The following ACOXL variants were observed in gnomAD, a reference collection of about 807,000 sequenced individuals.
ACOXL encodes acyl-CoA oxidase like, also known as acyl-coenzyme A oxidase-like protein.
Under a neutral mutation model 71.9 loss-of-function variants are expected in ACOXL, and 70 were observed. The ratio of observed to expected loss-of-function variants is 0.97; its 90% CI spans 0.80 to 1.19. The LOEUF (loss-of-function observed/expected upper bound fraction) is 1.19. ACOXL is among the 50% of genes most tolerant of loss of function. ACOXL has a pLI of 0.00. For missense variants in ACOXL, 703 were observed against 736.3 expected (o/e 0.95, Z 0.52); for synonymous variants, 253 against 281.6 (o/e 0.90, Z 1.02).
At chr2:111,042,504 G>T (rs1322911914) in intron 15 of ACOXL, among the ~76,000 whole-genome samples, 1 of 152,240 alleles carries the variant, frequency 6.6e-6, no homozygotes, top group African/African-American at 2.4e-5. Context: ...TGGCTCTGCA[G>T]GATGGGAAGA....
intron 9 of ACOXL, among the ~76,000 whole-genome samples, chr2:110,823,035 C>G (rs1342007130): frequency 1.3e-5 from 2 of 152,050 alleles, no homozygotes; most frequent in Non-Finnish European, 2.9e-5. Context: ...GGTGGATCAC[C>G]TGAGGTCAGT....
Position 111,117,824 on chromosome 2 carries a change from G to C in ACOXL, c.*8G>C, listed in dbSNP as rs1335357926. On this transcript the variant is annotated 3_prime_UTR_variant, in exon 18 of 18. Coordinates refer to ENST00000439055, the MANE Select transcript of ACOXL (RefSeq NM_001142807.4). ...CTGGGAGCCAAGCTCTAACGGGTGT[G>C]GCGGGAAGTGTGGTGGCCCGCCAGC... is the stretch of plus-strand genomic sequence containing the variant. 1 of 1,544,386 alleles carries C rather than the reference G, an allele frequency of 6.5e-7. No individual in the cohort carries two copies. The highest frequency in any genetic ancestry group is 1.2e-5 in the South Asian group (1 of 83,948).
At chr2:111,109,850 T>C (rs1329745473) in intron 17 of ACOXL, among the ~76,000 whole-genome samples, 1 of 151,938 alleles carries the variant, frequency 6.6e-6, no homozygotes, top group Non-Finnish European at 1.5e-5. Flanking sequence ...GGCTAATTTT[T>C]GTATTTTTAG....
At chr2:110,963,537 T>A in intron 12 of ACOXL, 1 of 1,513,186 alleles carries the variant, frequency 6.6e-7, no homozygotes, top group Non-Finnish European at 8.9e-7. Flanking sequence ...ATGTGAGTCC[T>A]ATGTAGTGAT....
chr2:110,927,603 G>C (rs558155825), intron 11 of ACOXL, among the ~76,000 whole-genome samples: 5 of 152,292 alleles, frequency 3.3e-5, no homozygotes, highest in African/African-American at 4.8e-5. Flanking sequence ...CTGGAATAAG[G>C]AGCCCCCATA....
intron 1 of ACOXL, among the ~76,000 whole-genome samples, chr2:110,754,955 C>A (rs971763667): frequency 6.6e-6 from 1 of 152,198 alleles, no homozygotes; most frequent in Non-Finnish European, 1.5e-5. Context: ...AATGAGGGGT[C>A]TAGTTGCTCA....
intron 10 of ACOXL, among the ~76,000 whole-genome samples, chr2:110,877,333 C>A (rs559889396): frequency 1.3e-5 from 2 of 152,302 alleles, no homozygotes; most frequent in South Asian, 4.2e-4. Context: ...ATGCAAGCTG[C>A]CCTTGACTCT....
chr2:110,902,950 T>G (rs2059297798), intron 10 of ACOXL, among the ~76,000 whole-genome samples: 1 of 152,202 alleles, frequency 6.6e-6, no homozygotes, highest in African/African-American at 2.4e-5. Flanking sequence ...CAAAGGAAGG[T>G]GGCCTGAGCC....
At position 111,082,112 on chromosome 2, in the gene ACOXL, A is replaced by T. The variant is rs184927378; in HGVS notation, c.1441-10753A>T. 1.8e-3 allele frequency among the ~76,000 whole-genome samples: 268 copies of T among 152,362 alleles called. 5 individuals carry two copies. The highest frequency in any genetic ancestry group is 0.017 in the Admixed American group (254 of 15,308). On this transcript the variant is annotated intron_variant, in intron 16 of 17. Transcript: ENST00000439055. ...TAGCATTCAGGACATAGGCATGGGC[A>T]GAGACTTCATGACTAAAACACCAAA... is the stretch of plus-strand genomic sequence containing the variant.
intron 15 of ACOXL, among the ~76,000 whole-genome samples, chr2:111,034,545 T>C (rs2065420927): frequency 6.6e-6 from 1 of 152,112 alleles, no homozygotes; most frequent in Non-Finnish European, 1.5e-5. Flanking sequence ...TGGCTTCAGG[T>C]TCAATGTCAG....
chr2:110,890,010 AG>A (rs1697762421), intron 10 of ACOXL, among the ~76,000 whole-genome samples: 1 of 152,230 alleles, frequency 6.6e-6, no homozygotes, highest in South Asian at 2.1e-4. Context: ...ATGGATGTGC[AG>A]TAGTATCTGA....
In ACOXL at chr2:111,079,576, C is replaced by T. The variant is rs535223133; in HGVS notation, c.1441-13289C>T. ...GAGGTTTAGTTATCCTACTCTGCTG[C>T]ACATGCTTCCAGGGACATGAGCAGC... On this transcript the variant is annotated intron_variant, in intron 16 of 17. Coordinates refer to ENST00000439055, the MANE Select transcript of ACOXL (RefSeq NM_001142807.4). 2.0e-5 allele frequency among the ~76,000 whole-genome samples: 3 copies of T among 152,296 alleles called. No homozygotes were observed. In the South Asian group the frequency reaches 6.2e-4, roughly 32 times the overall value.
intron 10 of ACOXL, among the ~76,000 whole-genome samples, chr2:110,854,345 C>T (rs903286625): frequency 1.3e-5 from 2 of 152,152 alleles, no homozygotes; most frequent in South Asian, 2.1e-4. Flanking sequence ...ACCACATCTC[C>T]ATGAAGGAGG....
In ACOXL at chr2:111,031,635, CAAG is replaced by C; in HGVS notation, c.1294_1296del (p.Lys432del). On this transcript the variant is annotated inframe_deletion, in exon 15 of 18. Coordinates refer to ENST00000439055, the MANE Select transcript of ACOXL (RefSeq NM_001142807.4). ...TTCTGTCGATTGGACAGGTAAAGAC[CAAG>C]AAGGAGGATTTTTTCCATGCCTGGA... is the stretch of plus-strand genomic sequence containing the variant. The C allele has an allele frequency of 6.2e-7, 1 of 1,614,106 alleles. No homozygotes were observed. The highest frequency in any genetic ancestry group is 8.5e-7 in the Non-Finnish European group (1 of 1,180,004).
intron 1 of ACOXL, among the ~76,000 whole-genome samples, chr2:110,753,189 T>G (rs1477650887): frequency 6.6e-6 from 1 of 152,168 alleles, no homozygotes; most frequent in Non-Finnish European, 1.5e-5. Flanking sequence ...GTGACACACC[T>G]GCTCCCCTTT....
chr2:110,783,792 A>C (rs1398073582), intron 2 of ACOXL, among the ~76,000 whole-genome samples: 1 of 152,182 alleles, frequency 6.6e-6, no homozygotes, highest in African/African-American at 2.4e-5. Flanking sequence ...ACTGGCAAAC[A>C]AGGACAACTA....
At chr2:111,012,700 C>G (rs965726167) in intron 14 of ACOXL, among the ~76,000 whole-genome samples, 1 of 152,054 alleles carries the variant, frequency 6.6e-6, no homozygotes, top group African/African-American at 2.4e-5. Context: ...GTCTAAATAA[C>G]TTGTGAATAA....
chr2:111,057,220 G>A (rs1283199675), intron 16 of ACOXL, among the ~76,000 whole-genome samples: 4 of 152,196 alleles, frequency 2.6e-5, no homozygotes, highest in African/African-American at 9.7e-5. Context: ...TGGTGTCGAT[G>A]TGACACGTTG....
intron 9 of ACOXL, among the ~76,000 whole-genome samples, chr2:110,809,207 T>G (rs1307412535): frequency 6.6e-6 from 1 of 152,252 alleles, no homozygotes; most frequent in East Asian, 1.9e-4. Context: ...TCGCAGACAC[T>G]GCTCCCCATA....
Sources: allele counts gnomAD v4.1 joint callset (sites outside exome capture counted in the v4.1 genomes callset), GRCh38; gene constraint gnomAD v4.1.1; transcripts MANE v1.5; gene names NCBI Gene and HGNC (gene_info 2026-07-23, HGNC 2026-07-21).